KDM2B: variants seen among roughly 807,000 people sequenced by gnomAD.
The protein encoded by KDM2B is lysine-specific demethylase 2B.
KDM2B carries 26 observed loss-of-function variants against 150.0 expected under a neutral mutation model. The observed-to-expected ratio is 0.17, with a 90% CI of 0.13 to 0.24. The LOEUF (loss-of-function observed/expected upper bound fraction) is 0.24, where lower values mean the gene tolerates loss of function less well. KDM2B is among the 10% of genes least tolerant of loss of function. The pLI is 1.00. For synonymous variants in KDM2B, 734 were observed against 729.5 expected (o/e 1.01, Z -0.10); for missense variants, 1,265 against 1,816.9 (o/e 0.70, Z 5.52).
rs1167479035 is a variant in KDM2B at position 121,467,404 on chromosome 12, G to A, written c.1735-14060C>T. ...GGAGGGGGCGGGGAGGGGCCGGCGG[G>A]GGAGGGCCGGGGCGCCATGCATATG... On this transcript the variant is annotated intron_variant, in intron 12 of 22. Transcript: ENST00000377071. This position sits in a 1 kb window ranked among gnomAD's most constrained non-coding sequence, Gnocchi z 5.1. 3.2e-6 allele frequency: 3 copies of A among 941,574 alleles called. No homozygotes were observed. In the African/African-American group the frequency reaches 5.4e-5, roughly 17 times the overall value. The allele number at this position is 941,574 out of a possible 1,614,324, so 58.3% of individuals were successfully genotyped here. A position where few individuals can be genotyped will look rare whatever the true frequency, so the allele number is the denominator to read the frequency against.
In KDM2B at chr12:121,509,609, G is replaced by T. The variant is rs375353232; in HGVS notation, c.1605C>A (p.Pro535=). ...ESLPENKKCV[P]EGIEDPQALL... is the part of the protein sequence containing the mutation. ...GTGCCTGGGGGTCCTCGATGCCCTCGGGGACACACTTCTTGTTCTCCGGGA... is the reference window on the plus strand; with the variant it reads ...GTGCCTGGGGGTCCTCGATGCCCTCTGGGACACACTTCTTGTTCTCCGGGA... Residue 535 remains proline (P), a synonymous_variant, in exon 11 of 23, where the codon CCC becomes CCA. Transcript: ENST00000377071. 9 of 1,613,692 alleles carry T rather than the reference G, an allele frequency of 5.6e-6. No individual in the cohort carries two copies. The highest frequency in any genetic ancestry group is 7.6e-6 in the Non-Finnish European group (9 of 1,179,982).
chr12:121,564,287 C>G (rs1890543731), intron 4 of KDM2B, among the ~76,000 whole-genome samples: 1 of 151,904 alleles, frequency 6.6e-6, no homozygotes, highest in Non-Finnish European at 1.5e-5. Context: ...GAAACCCCGT[C>G]TCTACTAAAA....
At chr12:121,531,154 G>A (rs1887634760) in intron 8 of KDM2B, among the ~76,000 whole-genome samples, 1 of 152,046 alleles carries the variant, frequency 6.6e-6, no homozygotes, top group Admixed American at 6.6e-5. Context: ...CCCTATAAAC[G>A]CTGACCACCA....
the KDM2B span, among the ~76,000 whole-genome samples, chr12:121,421,851 C>A: frequency 1.3e-5 from 2 of 152,172 alleles, no homozygotes; most frequent in Admixed American, 1.3e-4. Context: ...GCCCTCCCAT[C>A]ATTAACTTTT....
chr12:121,475,024 G>A (rs1328501413), intron 12 of KDM2B, among the ~76,000 whole-genome samples: 4 of 152,180 alleles, frequency 2.6e-5, no homozygotes, highest in Non-Finnish European at 5.9e-5. Flanking sequence ...ACAGTAGCAT[G>A]CTGTACAAGT....
chr12:121,525,534 A>T (rs537137927), intron 8 of KDM2B, among the ~76,000 whole-genome samples: 1 of 152,248 alleles, frequency 6.6e-6, no homozygotes, highest in Admixed American at 6.5e-5. Context: ...TACAGGCGTG[A>T]GCCACCGTGC....
intron 13 of KDM2B, among the ~76,000 whole-genome samples, chr12:121,448,319 CAAAAAA>C (rs57261158): frequency 1.8e-4 from 9 of 51,116 alleles, no homozygotes; most frequent in African/African-American, 4.9e-4. Flanking sequence ...GACTCTGTCT[CAAAAAA>C]AAAAAAAAAA....
chr12:121,578,790 G>T lies in KDM2B; in HGVS notation c.271+12C>A. The T allele has an allele frequency of 6.6e-7, 1 of 1,518,318 alleles. No individual in the cohort carries two copies. Among genetic ancestry groups the T allele is most frequent in the Non-Finnish European group, 8.9e-7 (1 of 1,124,974 alleles). The allele number at this position is 1,518,318 out of a possible 1,614,324, so 94.1% of individuals were successfully genotyped here. ...GCAGCGCAGAGGGCGGCCCGGGGTG[G>T]GGGCGCCTCACCTTTGCCCTCCATG... is the stretch of plus-strand genomic sequence containing the variant. On this transcript the variant is annotated intron_variant, in intron 2 of 22. Transcript: ENST00000377071.
chr12:121,536,120 G>A, intron 6 of KDM2B: 8 of 985,430 alleles, frequency 8.1e-6, no homozygotes, highest in Non-Finnish European at 9.6e-6. Context: ...CGGCACGAGT[G>A]GAGATAATGC....
intron 8 of KDM2B, among the ~76,000 whole-genome samples, 194 bp downstream of exon 8, chr12:121,532,612 G>A (rs369824227): frequency 6.6e-6 from 1 of 152,218 alleles, no homozygotes; most frequent in Non-Finnish European, 1.5e-5. Flanking sequence ...ATTCCAGCCC[G>A]TAGGTGGTAG....
chr12:121,460,302 T>G (rs2139147901), intron 12 of KDM2B, among the ~76,000 whole-genome samples: 1 of 152,394 alleles, frequency 6.6e-6, no homozygotes, highest in South Asian at 2.1e-4. Flanking sequence ...AACATCATTA[T>G]GATGACATTA....
intron 19 of KDM2B, 95 bp from the exon 20 acceptor site, chr12:121,441,328 G>A (rs541752349): frequency 1.8e-5 from 22 of 1,256,888 alleles, no homozygotes; most frequent in Non-Finnish European, 1.9e-5. Context: ...AACAACCTCT[G>A]GGAGGCTCCT....
At chr12:121,556,343 T>C (rs1466865412) in intron 4 of KDM2B, among the ~76,000 whole-genome samples, 6 of 152,076 alleles carry the variant, frequency 3.9e-5, no homozygotes, top group Non-Finnish European at 8.8e-5. Flanking sequence ...TACCTCAGCC[T>C]CCCAAATAGC....
At position 121,567,475 on chromosome 12, in the gene KDM2B, G is replaced by A. The variant is rs573393805; in HGVS notation, c.397+7072C>T. ...TGCAATTGCAGCACTTCGCGATGGC[G>A]AGGCGGGAGGATCACTTGAGCCCAG... On this transcript the variant is annotated intron_variant, in intron 4 of 22. Coordinates refer to ENST00000377071, the MANE Select transcript of KDM2B (RefSeq NM_032590.5). Among the ~76,000 whole-genome samples, 6 of 152,270 alleles carry A rather than the reference G, an allele frequency of 3.9e-5. No individual in the cohort carries two copies. In the South Asian group the frequency reaches 1.2e-3, roughly 32 times the overall value.
At chr12:121,428,463 C>T (rs187745463), downstream of KDM2B, among the ~76,000 whole-genome samples, 5 of 150,320 alleles carry the variant, frequency 3.3e-5, no homozygotes, top group African/African-American at 9.8e-5. Context: ...ATCCACTCCA[C>T]GTGGCCTTGT....
chr12:121,528,896 A>AAAAAC (rs1413409544), intron 8 of KDM2B, among the ~76,000 whole-genome samples: 1 of 152,240 alleles, frequency 6.6e-6, no homozygotes, highest in African/African-American at 2.4e-5. Context: ...TCTGTCTCAA[A>AAAAAC]AAAACAAAAC....
At position 121,513,643 on chromosome 12, in the gene KDM2B, C is replaced by T. The variant is rs530406455; in HGVS notation, c.1048-241G>A. 3.9e-5 allele frequency among the ~76,000 whole-genome samples: 6 copies of T among 152,216 alleles called. No homozygotes were observed. The South Asian group carries it at 1.2e-3, about 32-fold the overall frequency. ...ATCTCAAAGGTCCCTGAGCTGCACG[C>T]CCCAGAGGTTGGATGGGGGCCACTT... On this transcript the variant is annotated intron_variant, in intron 9 of 22. Transcript: ENST00000377071. This position sits in a 1 kb window ranked among gnomAD's most constrained non-coding sequence, Gnocchi z 5.0.
At chr12:121,433,311 G>A (rs118135697) in intron 22 of KDM2B, 13,039 of 405,288 alleles carry the variant, frequency 0.032, 326 homozygotes, top group South Asian at 0.05. Flanking sequence ...TCCTGCTGGC[G>A]CGTGGGGCCC....
chr12:121,501,517 T>A lies in KDM2B; in HGVS notation c.1648-6852A>T, dbSNP rs552922045. 1.2e-3 allele frequency among the ~76,000 whole-genome samples: 181 copies of A among 152,326 alleles called. No homozygotes were observed. The South Asian group carries it at 0.018, about 15-fold the overall frequency. On this transcript the variant is annotated intron_variant, in intron 11 of 22. Transcript: ENST00000377071. Reference sequence around the variant, plus strand: ...CAGAGGAGGCCCGGAAGGATTCTCTTCTAGAGACTTTGGAGCGAGCAGAGC... The same window carrying A: ...CAGAGGAGGCCCGGAAGGATTCTCTACTAGAGACTTTGGAGCGAGCAGAGC...
Sources: allele counts gnomAD v4.1 joint callset (sites outside exome capture counted in the v4.1 genomes callset), GRCh38; gene constraint gnomAD v4.1.1; non-coding constraint Gnocchi (gnomAD v3.1); transcripts MANE v1.5; gene names NCBI Gene and HGNC (gene_info 2026-07-23, HGNC 2026-07-21).